NCAM1: variants seen among roughly 807,000 people sequenced by gnomAD.
NCAM1 encodes antigen recognized by monoclonal antibody 5.1H11.
In NCAM1, 14 loss-of-function variants were observed where a neutral mutation model predicts 109.8. The ratio of observed to expected loss-of-function variants is 0.13; its 90% CI spans 0.08 to 0.20. The LOEUF is 0.20. Ranked by LOEUF, NCAM1 falls within the 10% of genes least tolerant of loss-of-function variation. The pLI is 1.00. For synonymous variants in NCAM1, 418 were observed against 442.9 expected (o/e 0.94, Z 0.70); for missense variants, 774 against 1,109.9 (o/e 0.70, Z 4.30).
At chr11:113,091,304 C>T (rs1408256915) in intron 1 of NCAM1, among the ~76,000 whole-genome samples, 2 of 151,990 alleles carry the variant, frequency 1.3e-5, no homozygotes, top group African/African-American at 2.4e-5. Flanking sequence ...TCCCTGCTCC[C>T]CTGTTTCTGC....
At chr11:112,986,981 A>G (rs1555069747) in intron 1 of NCAM1, among the ~76,000 whole-genome samples, 1 of 152,078 alleles carries the variant, frequency 6.6e-6, no homozygotes, top group Non-Finnish European at 1.5e-5. Context: ...GAGGTATAAC[A>G]TTAGGTTGTT....
chr11:113,165,654 T>G (rs2362214), intron 1 of NCAM1, among the ~76,000 whole-genome samples: 175 of 152,228 alleles, frequency 1.1e-3, no homozygotes, highest in Non-Finnish European at 2.2e-3. Context: ...CTATTGTCCA[T>G]GCCTGAGTGA....
At chr11:113,238,007 C>T (rs996333807) in intron 14 of NCAM1, among the ~76,000 whole-genome samples, 23 of 149,466 alleles carry the variant, frequency 1.5e-4, no homozygotes, top group Non-Finnish European at 2.2e-4. Flanking sequence ...TTTTTAAAGT[C>T]AATGTTAAAA....
chr11:112,973,375 G>T (rs972659382), intron 1 of NCAM1, among the ~76,000 whole-genome samples: 1 of 152,092 alleles, frequency 6.6e-6, no homozygotes, highest in Non-Finnish European at 1.5e-5. Context: ...AGCCTTAAAG[G>T]CCTGTTATCA....
intron 1 of NCAM1, among the ~76,000 whole-genome samples, chr11:113,172,054 CTT>C (rs200915249): frequency 0.013 from 1,942 of 152,258 alleles, 16 homozygotes; most frequent in Non-Finnish European, 0.021. Flanking sequence ...ACCATAGTAC[CTT>C]CTGAGGGAGC....
rs115745827 is a variant in NCAM1 at position 113,071,826 on chromosome 11, T to C, written c.52+110162T>C. Among the ~76,000 whole-genome samples the C allele has an allele frequency of 9.7e-3, 1,470 of 152,302 alleles. 19 individuals carry two copies. Among genetic ancestry groups the C allele is most frequent in the African/African-American group, 0.033 (1,372 of 41,562 alleles). ...CAAACTGCAGGACTGTTTTCATTGGTAACTCTTGGGAACTTAAAAAGAACC... is the reference window on the plus strand; with the variant it reads ...CAAACTGCAGGACTGTTTTCATTGGCAACTCTTGGGAACTTAAAAAGAACC... On this transcript the variant is annotated intron_variant, in intron 1 of 19. Coordinates refer to ENST00000316851, the MANE Select transcript of NCAM1 (RefSeq NM_181351.5).
intron 1 of NCAM1, among the ~76,000 whole-genome samples, chr11:113,085,031 T>A (rs543762963): frequency 2.6e-5 from 4 of 152,348 alleles, no homozygotes; most frequent in Non-Finnish European, 2.9e-5. Context: ...CCTCTATGCA[T>A]GCTATATGAA....
At chr11:113,142,426 C>T (rs1941862300) in intron 1 of NCAM1, among the ~76,000 whole-genome samples, 1 of 152,180 alleles carries the variant, frequency 6.6e-6, no homozygotes, top group South Asian at 2.1e-4. Flanking sequence ...GAGTATGTAA[C>T]ACTTTACCCC....
chr11:112,994,574 C>A (rs1951542390), intron 1 of NCAM1, among the ~76,000 whole-genome samples: 1 of 152,108 alleles, frequency 6.6e-6, no homozygotes, highest in Non-Finnish European at 1.5e-5. Flanking sequence ...TAATTTAGCC[C>A]ACAGTGATGG....
chr11:113,207,509 A>T, intron 6 of NCAM1, 131 bp downstream of exon 6: 1 of 731,346 alleles, frequency 1.4e-6, no homozygotes, highest in African/African-American at 1.8e-5. Context: ...AGAAGAATGG[A>T]CTCTTTTCTA....
At chr11:113,165,696 C>A (rs976537087) in intron 1 of NCAM1, among the ~76,000 whole-genome samples, 12 of 152,100 alleles carry the variant, frequency 7.9e-5, no homozygotes, top group Admixed American at 2.6e-4. Context: ...TTGGGGAAGG[C>A]TCTGGCTGTC....
chr11:113,275,426 G>T lies in NCAM1; in HGVS notation c.*39G>T. ...CCGAGCAAAGATCAAAATAAAAAGTGACACAGCAGCTTCACCAGAGCATTT... is the reference window on the plus strand; with the variant it reads ...CCGAGCAAAGATCAAAATAAAAAGTTACACAGCAGCTTCACCAGAGCATTT... On this transcript the variant is annotated 3_prime_UTR_variant, in exon 20 of 20. Transcript: ENST00000316851. The T allele has an allele frequency of 3.1e-6, 5 of 1,594,180 alleles. No homozygotes were observed. Among genetic ancestry groups the T allele is most frequent in the South Asian group, 1.1e-5 (1 of 88,202 alleles).
chr11:113,076,669 G>A (rs1938538816), intron 1 of NCAM1, among the ~76,000 whole-genome samples: 1 of 151,988 alleles, frequency 6.6e-6, no homozygotes, highest in Admixed American at 6.5e-5. Context: ...CCCTCTAAAT[G>A]CAAAATAAAG....
At chr11:113,106,417 A>T (rs1001875543) in intron 1 of NCAM1, among the ~76,000 whole-genome samples, 12 of 152,224 alleles carry the variant, frequency 7.9e-5, no homozygotes, top group Non-Finnish European at 1.6e-4. Flanking sequence ...TAAAATGGGC[A>T]GTTTCGTGAG....
intron 9 of NCAM1, among the ~76,000 whole-genome samples, chr11:113,228,084 G>A (rs145499663): frequency 0.015 from 2,307 of 152,298 alleles, 57 homozygotes; most frequent in African/African-American, 0.052. Context: ...TCTGGCCAGG[G>A]CAATCAGGCA....
intron 1 of NCAM1, among the ~76,000 whole-genome samples, chr11:113,040,516 C>A (rs1953038351): frequency 6.6e-6 from 1 of 152,184 alleles, no homozygotes; most frequent in African/African-American, 2.4e-5. Flanking sequence ...TAGACAATGG[C>A]TGTGTTCCAA....
At chr11:113,075,395 C>G (rs906287733) in intron 1 of NCAM1, among the ~76,000 whole-genome samples, 1 of 152,116 alleles carries the variant, frequency 6.6e-6, no homozygotes, top group African/African-American at 2.4e-5. Flanking sequence ...CTGCTTCCCA[C>G]ACATTTTAGA....
At chr11:113,056,000 TATATATATATATATATATATATATAA>T (rs1953692958) in intron 1 of NCAM1, among the ~76,000 whole-genome samples, 2 of 116,582 alleles carry the variant, frequency 1.7e-5, no homozygotes, top group African/African-American at 7.5e-5. Flanking sequence ...TATATATATA[TATATATATATATATATATATATATAA>T]AATATATATA....
At chr11:112,983,923 C>G (rs148527604) in intron 1 of NCAM1, among the ~76,000 whole-genome samples, 1 of 151,804 alleles carries the variant, frequency 6.6e-6, no homozygotes, top group Non-Finnish European at 1.5e-5. Flanking sequence ...TTCTTAAAGT[C>G]TACTGTCTTA....
Sources: allele counts gnomAD v4.1 joint callset (sites outside exome capture counted in the v4.1 genomes callset), GRCh38; gene constraint gnomAD v4.1.1; transcripts MANE v1.5; gene names NCBI Gene and HGNC (gene_info 2026-07-23, HGNC 2026-07-21).